FHIT: variants seen among roughly 807,000 people sequenced by gnomAD.
The protein encoded by FHIT is fragile histidine triad diadenosine triphosphatase, also known as bis(5'-adenosyl)-triphosphatase.
Under a neutral mutation model 17.9 loss-of-function variants are expected in FHIT, and 19 were observed. That is an observed-to-expected ratio of 1.06 (90% CI 0.74 to 1.56). FHIT has a LOEUF of 1.56. FHIT is among the 40% of genes most tolerant of loss of function. FHIT has a pLI of 0.00. For missense variants in FHIT, 248 were observed against 189.2 expected, an observed-to-expected ratio of 1.31 and a Z score of -1.82; for synonymous variants, 81 against 69.7, an observed-to-expected ratio of 1.16 and a Z score of -0.81.
intron 7 of FHIT, among the ~76,000 whole-genome samples, chr3:59,989,850 C>A (rs765730642): frequency 5.3e-5 from 8 of 152,030 alleles, no homozygotes; most frequent in Admixed American, 6.6e-5. Context: ...CCACAAATAT[C>A]GGAGATAGAC....
chr3:59,779,627 A>G (rs1045559981), intron 8 of FHIT, among the ~76,000 whole-genome samples: 2 of 152,322 alleles, frequency 1.3e-5, no homozygotes, highest in Admixed American at 6.5e-5. Flanking sequence ...CCAAATATGT[A>G]GTAATCAGTA....
rs114885333 is a variant in FHIT, at chr3:60,020,727, C to A, written c.104-6575G>T. Among the ~76,000 whole-genome samples, 1,191 of 152,248 alleles carry A rather than the reference C, an allele frequency of 7.8e-3. 20 individuals carry two copies. Among genetic ancestry groups the A allele is most frequent in the African/African-American group, 0.027 (1,105 of 41,534 alleles). On this transcript the variant is annotated intron_variant, in intron 5 of 9. Transcript: ENST00000492590. ...GGCCTTGTAAATGTTTAAAATAATT[C>A]TTAATGTCACTTCACAAAACAATAG...
At chr3:59,910,809 C>T (rs547725932) in intron 8 of FHIT, among the ~76,000 whole-genome samples, 2 of 152,086 alleles carry the variant, frequency 1.3e-5, no homozygotes, top group South Asian at 2.1e-4. Context: ...CTGAAGTTTC[C>T]GTTGTCTAGC....
chr3:60,024,174 T>C (rs748558995), intron 5 of FHIT, among the ~76,000 whole-genome samples: 9 of 152,220 alleles, frequency 5.9e-5, no homozygotes, highest in Non-Finnish European at 5.9e-5. Context: ...CAGTGTTCTA[T>C]GCTTTTTAAT....
At chr3:61,091,829 A>G (rs920621897) in intron 2 of FHIT, among the ~76,000 whole-genome samples, 1 of 149,184 alleles carries the variant, frequency 6.7e-6, no homozygotes, top group African/African-American at 2.5e-5. Context: ...AGTCCCAGTT[A>G]CTAGGGAGGT....
intron 5 of FHIT, among the ~76,000 whole-genome samples, chr3:60,215,840 A>C (rs184568921): frequency 6.6e-6 from 1 of 152,314 alleles, no homozygotes; most frequent in Admixed American, 6.5e-5. Flanking sequence ...ATTTCCAATA[A>C]TCTATGAGAG....
chr3:60,282,520 C>T (rs537169350), intron 5 of FHIT, among the ~76,000 whole-genome samples: 1 of 152,084 alleles, frequency 6.6e-6, no homozygotes, highest in Non-Finnish European at 1.5e-5. Context: ...CTGTAAAACT[C>T]CATAGAACCA....
intron 8 of FHIT, among the ~76,000 whole-genome samples, chr3:59,821,938 A>G (rs1278165130): frequency 6.6e-6 from 1 of 151,982 alleles, no homozygotes; most frequent in Admixed American, 6.6e-5. Context: ...TGAGTCTTTT[A>G]TCCCTCACCC....
chr3:59,943,901 T>G (rs1158572230), intron 7 of FHIT, among the ~76,000 whole-genome samples: 2 of 152,170 alleles, frequency 1.3e-5, no homozygotes, highest in African/African-American at 4.8e-5. Flanking sequence ...ACTTCATATC[T>G]CCAGATTCCA....
At chr3:60,758,553 G>A (rs1261503989) in intron 4 of FHIT, among the ~76,000 whole-genome samples, 2 of 152,120 alleles carry the variant, frequency 1.3e-5, no homozygotes. Flanking sequence ...TCACCAAAGA[G>A]GTAAAATGCC....
At chr3:60,531,271 A>G (rs889266580) in intron 5 of FHIT, among the ~76,000 whole-genome samples, 1 of 130,134 alleles carries the variant, frequency 7.7e-6, no homozygotes, top group African/African-American at 2.8e-5. Context: ...TTTGAAAAGA[A>G]CTCTTTTTTT....
intron 5 of FHIT, among the ~76,000 whole-genome samples, chr3:60,216,797 T>C (rs1309789985): frequency 6.6e-6 from 1 of 152,166 alleles, no homozygotes; most frequent in Admixed American, 6.5e-5. Flanking sequence ...TGCTTACCCT[T>C]TCCTGCTACC....
intron 7 of FHIT, among the ~76,000 whole-genome samples, chr3:59,957,088 C>G (rs1295781423): frequency 6.6e-6 from 1 of 152,206 alleles, no homozygotes. Context: ...CTGAGCTTTA[C>G]AGGCTGAGTT....
At chr3:59,758,605 C>A (rs1701340501) in intron 8 of FHIT, among the ~76,000 whole-genome samples, 1 of 152,130 alleles carries the variant, frequency 6.6e-6, no homozygotes, top group South Asian at 2.1e-4. Flanking sequence ...ATCAACAACA[C>A]CTCTAAGAGA....
At chr3:60,444,603 C>A (rs900386623) in intron 5 of FHIT, among the ~76,000 whole-genome samples, 14 of 151,978 alleles carry the variant, frequency 9.2e-5, no homozygotes, top group Non-Finnish European at 2.1e-4. Context: ...GGACAAAAAA[C>A]CAAACACCGC....
intron 5 of FHIT, among the ~76,000 whole-genome samples, chr3:60,071,046 C>T (rs1702747040): frequency 6.6e-6 from 1 of 152,154 alleles, no homozygotes; most frequent in Admixed American, 6.5e-5. Context: ...CAGCAAAGCC[C>T]CTTCTTATAG....
At chr3:60,019,112 G>A (rs923052730) in intron 5 of FHIT, among the ~76,000 whole-genome samples, 1 of 152,168 alleles carries the variant, frequency 6.6e-6, no homozygotes, top group Non-Finnish European at 1.5e-5. Context: ...GCTGGAGTCT[G>A]GGCTCAGCTG....
chr3:60,550,606 C>T (rs575381529), intron 4 of FHIT, among the ~76,000 whole-genome samples: 91 of 64,594 alleles, frequency 1.4e-3, no homozygotes, highest in Non-Finnish European at 2.5e-4. Flanking sequence ...CTTCTCTGTT[C>T]TGTCATTTTT....
intron 5 of FHIT, among the ~76,000 whole-genome samples, chr3:60,421,920 C>G (rs1490806665): frequency 6.6e-6 from 1 of 152,102 alleles, no homozygotes; most frequent in Non-Finnish European, 1.5e-5. Flanking sequence ...TTGCAAAACT[C>G]CACTGGCAAG....
Sources: allele counts gnomAD v4.1 joint callset (sites outside exome capture counted in the v4.1 genomes callset), GRCh38; gene constraint gnomAD v4.1.1; transcripts MANE v1.5; gene names NCBI Gene and HGNC (gene_info 2026-07-23, HGNC 2026-07-21).